The following HIVEP3 variants were observed in gnomAD, a reference collection of about 807,000 sequenced individuals.
HIVEP3 encodes the protein transcription factor HIVEP3.
In HIVEP3, 49 loss-of-function variants were observed where a neutral mutation model predicts 152.8. The ratio of observed to expected loss-of-function variants is 0.32; its 90% CI spans 0.26 to 0.41. The LOEUF is 0.41. HIVEP3 is among the 10% of genes least tolerant of loss of function. The probability of loss-of-function intolerance (pLI) is 1.00; values close to 1 mark genes in which losing one functional copy is unlikely to be tolerated. For synonymous variants in HIVEP3, 1,269 were observed against 1,289.0 expected (o/e 0.98, Z 0.33); for missense variants, 2,790 against 3,103.3 (o/e 0.90, Z 2.40).
intron 1 of HIVEP3, among the ~76,000 whole-genome samples, chr1:41,972,224 T>C (rs141836725): frequency 7.8e-4 from 119 of 152,340 alleles, no homozygotes; most frequent in Non-Finnish European, 1.3e-3. Context: ...ATTTCATCTA[T>C]GACGTCTTTC....
intron 1 of HIVEP3, among the ~76,000 whole-genome samples, chr1:41,935,709 T>A (rs1448152553): frequency 1.3e-5 from 2 of 148,426 alleles, no homozygotes; most frequent in East Asian, 3.9e-4. Context: ...AGCAATTTAG[T>A]CTTCTTGAAA....
chr1:41,557,465 G>A (rs75877816), intron 5 of HIVEP3, among the ~76,000 whole-genome samples: 2,209 of 152,286 alleles, frequency 0.015, 64 homozygotes, highest in African/African-American at 0.047. Context: ...ACTGGGCTTT[G>A]AAGAGTTTAC....
At chr1:41,833,627 G>A (rs1643030229) in intron 1 of HIVEP3, among the ~76,000 whole-genome samples, 1 of 152,172 alleles carries the variant, frequency 6.6e-6, no homozygotes, top group Admixed American at 6.5e-5. Flanking sequence ...AAAAGCAGCA[G>A]AATCTGAGGG....
chr1:41,589,313 G>A (rs1258811606), intron 3 of HIVEP3, among the ~76,000 whole-genome samples: 1 of 152,182 alleles, frequency 6.6e-6, no homozygotes, highest in Non-Finnish European at 1.5e-5. Flanking sequence ...TTATAACCCT[G>A]AGGGGAACCT....
At chr1:41,557,705 GC>G (rs1382137658) in intron 5 of HIVEP3, among the ~76,000 whole-genome samples, 1 of 152,188 alleles carries the variant, frequency 6.6e-6, no homozygotes, top group Non-Finnish European at 1.5e-5. Context: ...GCCCCAGAGG[GC>G]TTGACTTCTC....
rs142695572 is a variant in HIVEP3, at chr1:41,510,826, G to A, written c.6846C>T (p.Gly2282=). 1,072 of 1,612,820 alleles carry A rather than the reference G, an allele frequency of 6.6e-4. 11 individuals carry two copies. In the Admixed American group the frequency reaches 0.011, roughly 17 times the overall value. The change falls in exon 9 of 9, where the codon GGC becomes GGT. Residue 2282 remains glycine (G), a synonymous_variant. Transcript: ENST00000372583. The stretch of plus-strand genomic sequence containing the variant: ...AGTCAGGAGGCCTGCCCGGGCCTCC[G>A]CCGGTCCTCTCCCTCTCCTTGGGGT... ...GDYPKERERT[G]GGPGRPPDWT...
At chr1:41,916,603 T>A (rs1644875716) in intron 1 of HIVEP3, among the ~76,000 whole-genome samples, 1 of 152,112 alleles carries the variant, frequency 6.6e-6, no homozygotes, top group Non-Finnish European at 1.5e-5. Flanking sequence ...CCCACAATCT[T>A]TAAATGCAAC....
At chr1:41,768,971 G>A (rs1226500703) in intron 1 of HIVEP3, among the ~76,000 whole-genome samples, 1 of 152,166 alleles carries the variant, frequency 6.6e-6, no homozygotes, top group Non-Finnish European at 1.5e-5. Context: ...GAAAAGAGTG[G>A]CCTTGTGATA....
chr1:41,598,953 C>T (rs1413825329), intron 3 of HIVEP3, among the ~76,000 whole-genome samples: 1 of 151,874 alleles, frequency 6.6e-6, no homozygotes, highest in Non-Finnish European at 1.5e-5. Flanking sequence ...GCAGCTGGGA[C>T]TACAGACACG....
intron 1 of HIVEP3, among the ~76,000 whole-genome samples, chr1:41,735,799 G>A (rs937103992): frequency 2.0e-5 from 3 of 152,106 alleles, no homozygotes; most frequent in South Asian, 4.1e-4. Flanking sequence ...AGACAAAGCC[G>A]CCTCTCGATC....
chr1:41,998,889 CTT>C (rs1196185838), intron 1 of HIVEP3, among the ~76,000 whole-genome samples: 15 of 64,342 alleles, frequency 2.3e-4, no homozygotes, highest in African/African-American at 7.7e-4. Flanking sequence ...TTCTCTCTCT[CTT>C]TTTTTTTTTT....
chr1:41,864,475 T>C (rs1176714219), intron 1 of HIVEP3: 1 of 152,354 alleles, frequency 6.6e-6, no homozygotes, highest in African/African-American at 2.4e-5. Flanking sequence ...GAGATGCTCC[T>C]ACTTACTCCA....
At chr1:41,923,061 T>C (rs1420922511), upstream of HIVEP3, among the ~76,000 whole-genome samples, 4 of 152,194 alleles carry the variant, frequency 2.6e-5, no homozygotes, top group South Asian at 4.1e-4. Context: ...TAGAAATATA[T>C]ACTTTAATGC....
At position 41,882,585 on chromosome 1, in the gene HIVEP3, C is replaced by T. The variant is rs190607712; in HGVS notation, c.-801+35828G>A. 7.6e-4 allele frequency among the ~76,000 whole-genome samples: 115 copies of T among 152,264 alleles called. 1 individual carries two copies. Among genetic ancestry groups the T allele is most frequent in the African/African-American group, 2.8e-3 (115 of 41,542 alleles). On this transcript the variant is annotated intron_variant, in intron 1 of 8. Coordinates refer to ENST00000372583, the MANE Select transcript of HIVEP3 (RefSeq NM_024503.5). ...GCTTGATAGGAAGGGGAAGGAATGT[C>T]CCTTTTTACTTACTTCCAAGGCAGC...
At chr1:41,912,222 G>A (rs1235486678) in intron 1 of HIVEP3, among the ~76,000 whole-genome samples, 1 of 152,170 alleles carries the variant, frequency 6.6e-6, no homozygotes, top group East Asian at 1.9e-4. Context: ...AGGTACACAG[G>A]GGATGTCAAA....
At chr1:41,535,649 T>C (rs1379312254) in intron 5 of HIVEP3, 2 of 152,156 alleles carry the variant, frequency 1.3e-5, no homozygotes, top group Non-Finnish European at 1.5e-5. Context: ...AGGGTCTTCA[T>C]GGATGGATCT....
At chr1:41,985,724 G>C (rs1020775467) in intron 1 of HIVEP3, among the ~76,000 whole-genome samples, 2 of 152,146 alleles carry the variant, frequency 1.3e-5, no homozygotes, top group Non-Finnish European at 2.9e-5. Context: ...TGGGGGCGAG[G>C]AACAGCAATA....
At chr1:41,556,383 T>C (rs1251791249) in intron 5 of HIVEP3, among the ~76,000 whole-genome samples, 2 of 152,336 alleles carry the variant, frequency 1.3e-5, no homozygotes, top group South Asian at 2.1e-4. Flanking sequence ...ATTAGTGAGG[T>C]TGAATGTCTT....
At chr1:41,623,888 C>T (rs527935458) in intron 3 of HIVEP3, among the ~76,000 whole-genome samples, 1 of 94,696 alleles carries the variant, frequency 1.1e-5, no homozygotes, top group South Asian at 3.6e-4. Context: ...CACAGAGGCT[C>T]TCTGCATGCC....
Sources: allele counts gnomAD v4.1 joint callset (sites outside exome capture counted in the v4.1 genomes callset), GRCh38; gene constraint gnomAD v4.1.1; transcripts MANE v1.5; gene names NCBI Gene and HGNC (gene_info 2026-07-23, HGNC 2026-07-21).